LGR6: variants seen among roughly 807,000 people sequenced by gnomAD.
LGR6 encodes leucine-rich repeat-containing G protein-coupled receptor 6.
LGR6 carries 45 observed loss-of-function variants against 69.4 expected under a neutral mutation model. The ratio of observed to expected loss-of-function variants is 0.65; its 90% confidence interval spans 0.51 to 0.83. LGR6 has a LOEUF of 0.83. Among genes scored for constraint, LGR6 ranks in the 40% least tolerant of loss-of-function variants. The pLI is 0.00. For missense variants in LGR6, 1,108 were observed against 1,246.7 expected (o/e 0.89, Z 1.68); for synonymous variants, 538 against 555.0 (o/e 0.97, Z 0.43).
chr1:202,266,250 T>G (rs1664643469), intron 4 of LGR6, among the ~76,000 whole-genome samples: 1 of 152,018 alleles, frequency 6.6e-6, no homozygotes, highest in African/African-American at 2.4e-5. Flanking sequence ...ACCATGTGCT[T>G]GTAAGTTGCC....
At chr1:202,227,862 G>C (rs1660682066) in intron 2 of LGR6, 74 bp from the exon 3 acceptor site, 2 of 1,017,592 alleles carry the variant, frequency 2.0e-6, no homozygotes, top group Admixed American at 3.5e-5. Context: ...CGTATCTCAA[G>C]ACACTTTCTT....
chr1:202,280,826 C>T lies in LGR6; in HGVS notation c.690C>T (p.Phe230=), dbSNP rs745787551. 27 of 1,613,976 alleles carry T rather than the reference C, an allele frequency of 1.7e-5. No homozygotes were observed. The highest frequency in any genetic ancestry group is 9.3e-5 in the African/African-American group (7 of 74,926). Residue 230 remains phenylalanine, a synonymous_variant, in exon 6 of 18, where the codon TTC becomes TTT. Transcript: ENST00000367278. ...TCCAGCATCTGGGGACCCACAGCTT[C>T]GAGGGGCTGCACAATCTGGAGACAC... ...NRIQHLGTHS[F]EGLHNLETLD... is the part of the protein sequence containing the mutation.
At chr1:202,277,461 G>GT in intron 5 of LGR6, among the ~76,000 whole-genome samples, 1 of 151,924 alleles carries the variant, frequency 6.6e-6, no homozygotes, top group African/African-American at 2.4e-5. Flanking sequence ...ACGGGGCAGG[G>GT]TGGGGGGGTA....
intron 1 of LGR6, among the ~76,000 whole-genome samples, chr1:202,205,407 C>T (rs916727929): frequency 5.6e-5 from 2 of 35,658 alleles, no homozygotes; most frequent in Admixed American, 3.4e-4. Context: ...AACACACACA[C>T]CTCCAAACAC....
chr1:202,311,071 G>A lies in LGR6; in HGVS notation c.1567+714G>A, dbSNP rs546556567. ...ACTAAGTGGTATCTTAGATACCAAG[G>A]GCAGATAAAAGGGCTTCCCTCTCCC... On this transcript the variant is annotated intron_variant, in intron 16 of 17. Transcript: ENST00000367278. Among the ~76,000 whole-genome samples the A allele has an allele frequency of 4.5e-4, 69 of 152,032 alleles. 1 individual carries two copies. In the South Asian group the frequency reaches 6.4e-3, roughly 14 times the overall value.
At chr1:202,239,584 TA>T (rs1474398664) in intron 4 of LGR6, among the ~76,000 whole-genome samples, 14 of 152,222 alleles carry the variant, frequency 9.2e-5, no homozygotes, top group Admixed American at 9.2e-4. Flanking sequence ...GCAGCAGTTA[TA>T]GGGGGCAGTC....
chr1:202,241,187 C>T (rs77804041), intron 4 of LGR6, among the ~76,000 whole-genome samples: 36 of 152,278 alleles, frequency 2.4e-4, no homozygotes, highest in African/African-American at 7.2e-4. Flanking sequence ...TGGAAATCAA[C>T]GGATCAGGGA....
chr1:202,315,222 G>A (rs553283994), intron 17 of LGR6, among the ~76,000 whole-genome samples: 2 of 152,286 alleles, frequency 1.3e-5, no homozygotes, highest in South Asian at 4.2e-4. Flanking sequence ...CTGCTTTTGA[G>A]TAATCCCTCA....
intron 4 of LGR6, among the ~76,000 whole-genome samples, chr1:202,262,956 T>C (rs1211354318): frequency 1.3e-5 from 2 of 151,574 alleles, no homozygotes; most frequent in African/African-American, 4.8e-5. Flanking sequence ...TTTTATTTTA[T>C]TTTATTTTAT....
chr1:202,279,360 C>A (rs957924189), intron 5 of LGR6, among the ~76,000 whole-genome samples: 3 of 152,134 alleles, frequency 2.0e-5, no homozygotes, highest in Non-Finnish European at 4.4e-5. Context: ...CCCAGGCTCG[C>A]AGGAGTCCCG....
chr1:202,223,856 A>C (rs889327872), intron 1 of LGR6, among the ~76,000 whole-genome samples: 1 of 134,482 alleles, frequency 7.4e-6, no homozygotes. Flanking sequence ...GTGAAAAGGC[A>C]CCAGCCCCTC....
chr1:202,235,950 A>G lies in LGR6; in HGVS notation c.385A>G (p.Ile129Val). The G allele has an allele frequency of 6.2e-7, 1 of 1,614,006 alleles. No individual in the cohort carries two copies. Among genetic ancestry groups the G allele is most frequent in the East Asian group, 2.2e-5 (1 of 44,882 alleles). ...LMLQNNQLGG[I>V]PAEALWELPS... ...GCTGCAGAACAATCAGCTGGGAGGA[A>G]TCCCCGCAGAGGCGCTGTGGGAGCT... The change falls in exon 4 of 18, where the codon ATC (isoleucine) becomes GTC (valine). Residue 129 changes from isoleucine to valine, a missense_variant. Physicochemically the swap from Ile to Val is conservative, Grantham distance 29 (BLOSUM62 3). Transcript: ENST00000367278.
At position 202,225,429 on chromosome 1, in the gene LGR6, C is replaced by T. The variant is rs140394858; in HGVS notation, c.219C>T (p.Leu73=). The T allele has an allele frequency of 2.5e-6, 4 of 1,613,746 alleles. No individual in the cohort carries two copies. The highest frequency in any genetic ancestry group is 1.3e-5 in the African/African-American group (1 of 74,914). ...DLDPLTAYLD[L]SMNNLTELQP... is the part of the protein sequence containing the mutation. ...TCCATCTTCTCTCCACCAGGGACCT[C>T]AGCATGAACAACCTCACAGAGCTTC... Residue 73 remains leucine (L), a synonymous_variant, in exon 2 of 18, where the codon CTC becomes CTT. Coordinates refer to ENST00000367278, the MANE Select transcript of LGR6 (RefSeq NM_001017403.2).
At chr1:202,269,294 G>C (rs1284699626) in intron 4 of LGR6, among the ~76,000 whole-genome samples, 1 of 152,144 alleles carries the variant, frequency 6.6e-6, no homozygotes. Flanking sequence ...TTCAAGGAGA[G>C]AGGGAGGCAA....
intron 11 of LGR6, among the ~76,000 whole-genome samples, chr1:202,305,266 G>A (rs77537540): frequency 0.072 from 11,027 of 152,178 alleles, 504 homozygotes; most frequent in Middle Eastern, 0.12. Context: ...AAAGAGTTGG[G>A]CCAGATGATC....
chr1:202,240,927 AC>A (rs1215291193), intron 4 of LGR6, among the ~76,000 whole-genome samples: 1 of 152,162 alleles, frequency 6.6e-6, no homozygotes, highest in Non-Finnish European at 1.5e-5. Flanking sequence ...GAGATGTTCT[AC>A]GTATATTGTC....
chr1:202,260,823 T>A (rs1664171433), intron 4 of LGR6, among the ~76,000 whole-genome samples: 1 of 152,240 alleles, frequency 6.6e-6, no homozygotes, highest in African/African-American at 2.4e-5. Context: ...AATCTATTTT[T>A]CTCAGAATCC....
At chr1:202,234,291 T>C (rs964123872) in intron 3 of LGR6, among the ~76,000 whole-genome samples, 1 of 152,230 alleles carries the variant, frequency 6.6e-6, no homozygotes, top group Non-Finnish European at 1.5e-5. Flanking sequence ...CTGTCTTTGT[T>C]CTTTGTTCTC....
At chr1:202,295,306 C>T (rs554112613) in intron 6 of LGR6, among the ~76,000 whole-genome samples, 142 of 129,946 alleles carry the variant, frequency 1.1e-3, no homozygotes, top group African/African-American at 4.1e-3. Flanking sequence ...CCAGCCCAGG[C>T]GACAGAGCAA....
Sources: allele counts gnomAD v4.1 joint callset (sites outside exome capture counted in the v4.1 genomes callset), GRCh38; gene constraint gnomAD v4.1.1; transcripts MANE v1.5; gene names NCBI Gene and HGNC (gene_info 2026-07-23, HGNC 2026-07-21).